Variants in MED13 observed in about 807,000 individuals in gnomAD.
MED13 encodes the protein mediator of RNA polymerase II transcription subunit 13.
MED13 carries 23 observed loss-of-function variants against 225.2 expected under a neutral mutation model. That is an observed-to-expected ratio of 0.10 (90% CI 0.07 to 0.14). MED13 has a LOEUF of 0.14. MED13 is among the 10% of genes least tolerant of loss of function. MED13 has a pLI of 1.00. For missense variants in MED13, 2,197 were observed against 2,594.5 expected (o/e 0.85, Z 3.33); for synonymous variants, 942 against 889.2 (o/e 1.06, Z -1.06).
intron 8 of MED13, among the ~76,000 whole-genome samples, chr17:62,026,527 T>C (rs941190116): frequency 1.4e-5 from 2 of 143,032 alleles, no homozygotes; most frequent in Non-Finnish European, 3.0e-5. Flanking sequence ...CCTTGAAAAG[T>C]GGCACAAGAT....
At chr17:62,020,408 C>T (rs1250240047) in intron 8 of MED13, among the ~76,000 whole-genome samples, 2 of 152,066 alleles carry the variant, frequency 1.3e-5, no homozygotes, top group Non-Finnish European at 2.9e-5. Flanking sequence ...TAGACAGTCT[C>T]GCTCTTTTGC....
intron 27 of MED13, among the ~76,000 whole-genome samples, chr17:61,951,404 T>C (rs1352202513): frequency 6.6e-6 from 1 of 152,208 alleles, no homozygotes; most frequent in Non-Finnish European, 1.5e-5. Flanking sequence ...GCACTATCTA[T>C]AAAATGCAGT....
intron 8 of MED13, among the ~76,000 whole-genome samples, chr17:62,014,945 G>A (rs1425537457): frequency 2.0e-5 from 3 of 152,114 alleles, no homozygotes; most frequent in Non-Finnish European, 2.9e-5. Flanking sequence ...AAAGGAAAAA[G>A]GAAGAAATTA....
rs1047365461 is a variant in MED13 at position 61,962,983 on chromosome 17, G to C, written c.4845-12C>G. 1.2e-5 allele frequency: 19 copies of C among 1,612,882 alleles called. No individual in the cohort carries two copies. The highest frequency in any genetic ancestry group is 1.6e-5 in the Non-Finnish European group (19 of 1,179,324). Reference sequence around the variant, plus strand: ...CCCGATCCATCGTGCTAAAATTTAAGGTAGAAATGAGACAAAAAGTTGTAC... The same window carrying C: ...CCCGATCCATCGTGCTAAAATTTAACGTAGAAATGAGACAAAAAGTTGTAC... On this transcript the variant is annotated splice_polypyrimidine_tract_variant and intron_variant, in intron 20 of 29. Transcript: ENST00000397786.
chr17:61,987,387 T>C (rs189244921), intron 11 of MED13, among the ~76,000 whole-genome samples: 66 of 152,042 alleles, frequency 4.3e-4, no homozygotes, highest in Non-Finnish European at 5.0e-4. Flanking sequence ...TGAGCCGAGA[T>C]AGCACCATTG....
At chr17:62,048,026 A>C (rs943669117) in intron 3 of MED13, among the ~76,000 whole-genome samples, 1 of 113,618 alleles carries the variant, frequency 8.8e-6, no homozygotes, top group Non-Finnish European at 1.8e-5. Context: ...ACATATATAC[A>C]TATACATATA....
chr17:61,980,116 G>A (rs1322286063), intron 16 of MED13, among the ~76,000 whole-genome samples: 2 of 152,172 alleles, frequency 1.3e-5, no homozygotes, highest in South Asian at 2.1e-4. Flanking sequence ...TTGAACCCGG[G>A]AGGTGGAGGT....
At chr17:62,001,713 T>C (rs2080396788) in intron 9 of MED13, among the ~76,000 whole-genome samples, 1 of 152,212 alleles carries the variant, frequency 6.6e-6, no homozygotes, top group Non-Finnish European at 1.5e-5. Flanking sequence ...CCCCACTCTG[T>C]GTCTGTACTA....
Position 61,955,734 on chromosome 17 carries a change from G to A in MED13, c.5728C>T (p.Leu1910Phe). The A allele has an allele frequency of 1.2e-6, 2 of 1,611,632 alleles. No individual in the cohort carries two copies. The highest frequency in any genetic ancestry group is 2.2e-5 in the East Asian group (1 of 44,818). Residue 1910 changes from leucine to phenylalanine, a missense_variant, in exon 25 of 30, where the codon CTC (leucine) becomes TTC (phenylalanine). Leu to Phe is a conservative substitution (Grantham distance 22, BLOSUM62 0). This residue lies in a region of MED13 where 216 missense variants were observed against 388.9 expected (regional missense o/e 0.56). Transcript: ENST00000397786. The part of the protein sequence containing the change: ...GISAADSPSI[L>F]SACLVAMEPQ... ...TCCATTGCCACCAAGCAAGCACTGA[G>A]AATGCTAGGGGAGTCTGCAGCAGAT... is the stretch of plus-strand genomic sequence containing the variant.
chr17:62,023,292 G>A (rs1440305326), intron 8 of MED13, among the ~76,000 whole-genome samples: 2 of 152,062 alleles, frequency 1.3e-5, no homozygotes, highest in Non-Finnish European at 2.9e-5. Context: ...TCACACAGAA[G>A]AAATTCACTA....
At chr17:62,015,238 A>T (rs765721827) in intron 8 of MED13, among the ~76,000 whole-genome samples, 8 of 152,228 alleles carry the variant, frequency 5.3e-5, no homozygotes, top group Non-Finnish European at 1.2e-4. Flanking sequence ...TCATGTAAGA[A>T]GATATTCGTA....
chr17:61,948,664 G>A (rs1249983241), intron 28 of MED13, among the ~76,000 whole-genome samples: 1 of 151,804 alleles, frequency 6.6e-6, no homozygotes, highest in African/African-American at 2.4e-5. Flanking sequence ...GACCTCAGGT[G>A]ATCTGCCTGC....
At chr17:62,035,651 C>G in intron 3 of MED13, 43 bp from the exon 4 acceptor site, 5 of 1,546,914 alleles carry the variant, frequency 3.2e-6, no homozygotes, top group Non-Finnish European at 4.4e-6. Flanking sequence ...TGACTAGTGG[C>G]CAAAAATGTT....
At position 61,956,458 on chromosome 17, in the gene MED13, G is replaced by C. The variant is rs1170798332; in HGVS notation, c.5504C>G (p.Ala1835Gly). 6.2e-7 allele frequency: 1 copy of C among 1,612,168 alleles called. No individual in the cohort carries two copies. ...PNRARRKKSS[A>G]RKFGLQKLWE... ...AAGTTTCTGTAGACCAAATTTTCTA[G>C]CAGAACTTTTTTTCCGACGAGCCCT... The change falls in exon 24 of 30, where the codon GCT becomes GGT. Residue 1835 changes from alanine (A) to glycine (G), a missense_variant. Ala to Gly is a moderately conservative substitution (Grantham distance 60, BLOSUM62 0). This residue lies in a region of MED13 where 78 missense variants were observed against 82.1 expected (regional missense o/e 0.95). Transcript: ENST00000397786.
intron 26 of MED13, 145 bp from the exon 27 acceptor site, chr17:61,953,258 T>C (rs1013536253): frequency 2.5e-6 from 2 of 809,722 alleles, no homozygotes; most frequent in Non-Finnish European, 3.8e-6. Context: ...GTGCCAAGTA[T>C]TGTGCTAAAA....
chr17:62,057,123 C>T (rs965599667), intron 2 of MED13, among the ~76,000 whole-genome samples: 3 of 152,098 alleles, frequency 2.0e-5, no homozygotes, highest in Admixed American at 2.0e-4. Flanking sequence ...AATGAATCTT[C>T]TCCAATACAA....
chr17:61,961,939 T>C (rs928540454), intron 21 of MED13, among the ~76,000 whole-genome samples, 160 bp from the exon 22 acceptor site: 62 of 152,350 alleles, frequency 4.1e-4, no homozygotes, highest in African/African-American at 1.2e-3. Flanking sequence ...TGTAGGCTTT[T>C]AATAAGTAGC....
intron 2 of MED13, among the ~76,000 whole-genome samples, chr17:62,061,192 T>TA (rs1286660381): frequency 6.6e-6 from 1 of 152,106 alleles, no homozygotes; most frequent in Non-Finnish European, 1.5e-5. Flanking sequence ...CTAACTTTAA[T>TA]AGTCTTTTAA....
chr17:62,001,227 G>A (rs753733889), intron 9 of MED13, among the ~76,000 whole-genome samples: 4 of 152,064 alleles, frequency 2.6e-5, no homozygotes, highest in Non-Finnish European at 5.9e-5. Context: ...AACTAAATAC[G>A]CTTGGCCTTA....
Sources: gnomAD v4.1 joint callset for allele counts (sites outside exome capture counted in the v4.1 genomes callset) on GRCh38, gnomAD v4.1.1 for gene constraint, gnomAD v4.1.1 regional missense constraint, MANE v1.5 for transcripts, NCBI Gene and HGNC (gene_info 2026-07-23, HGNC 2026-07-21) for gene names.